Variants in SHC3 observed in about 807,000 individuals in gnomAD.
SHC3 encodes SHC-transforming protein 3.
In SHC3, 15 loss-of-function variants were observed where a neutral mutation model predicts 60.4. The ratio of observed to expected loss-of-function variants is 0.25; its 90% CI spans 0.17 to 0.38. The LOEUF (loss-of-function observed/expected upper bound fraction) is 0.38, where lower values mean the gene tolerates loss of function less well. Ranked by LOEUF, SHC3 falls within the 10% of genes least tolerant of loss-of-function variation. The probability of loss-of-function intolerance (pLI) is 1.00; values close to 1 mark genes in which losing one functional copy is unlikely to be tolerated. For synonymous variants in SHC3, 294 were observed against 325.9 expected, an observed-to-expected ratio of 0.90 and a Z score of 1.05; for missense variants, 677 against 786.1, an observed-to-expected ratio of 0.86 and a Z score of 1.66.
chr9:89,175,668 A>G (rs1564199988), intron 1 of SHC3, among the ~76,000 whole-genome samples: 1 of 152,224 alleles, frequency 6.6e-6, no homozygotes, highest in Non-Finnish European at 1.5e-5. Flanking sequence ...AAAAAATTAT[A>G]TCAAAGAGAA....
chr9:89,040,073 C>A (rs532776486), intron 10 of SHC3, among the ~76,000 whole-genome samples: 1 of 149,478 alleles, frequency 6.7e-6, no homozygotes, highest in East Asian at 2.0e-4. Flanking sequence ...CCACCACCAC[C>A]TTTGCCACCA....
At chr9:89,136,987 G>A (rs1015140596) in intron 1 of SHC3, among the ~76,000 whole-genome samples, 5 of 152,122 alleles carry the variant, frequency 3.3e-5, no homozygotes, top group Non-Finnish European at 7.4e-5. Flanking sequence ...GAAGGGTACA[G>A]GGGAAGCAGG....
At chr9:89,014,975 G>A (rs1320903415) in intron 11 of SHC3, among the ~76,000 whole-genome samples, 1 of 152,180 alleles carries the variant, frequency 6.6e-6, no homozygotes, top group Non-Finnish European at 1.5e-5. Flanking sequence ...CCCCATCTCT[G>A]TAAGCACCAG....
At chr9:89,110,518 C>T in intron 2 of SHC3, 1 of 928,372 alleles carries the variant, frequency 1.1e-6, no homozygotes, top group Non-Finnish European at 1.3e-6. Flanking sequence ...CAGTGTGCTA[C>T]ATCTGCAAGA....
intron 1 of SHC3, among the ~76,000 whole-genome samples, chr9:89,147,495 C>A (rs1476473053): frequency 6.6e-6 from 1 of 151,630 alleles, no homozygotes; most frequent in African/African-American, 2.4e-5. Flanking sequence ...TTTTTCCTTC[C>A]CTCCCTCCCT....
At chr9:89,034,708 G>GAAAT (rs1254578878) in intron 11 of SHC3, among the ~76,000 whole-genome samples, 1 of 152,182 alleles carries the variant, frequency 6.6e-6, no homozygotes, top group Non-Finnish European at 1.5e-5. Flanking sequence ...GACACTGTAG[G>GAAAT]AAATAATCTA....
At chr9:89,028,962 A>G (rs1824423678) in intron 11 of SHC3, among the ~76,000 whole-genome samples, 1 of 148,722 alleles carries the variant, frequency 6.7e-6, no homozygotes, top group Non-Finnish European at 1.5e-5. Flanking sequence ...TTATCTTCTG[A>G]GGCAGAATAT....
chr9:89,013,251 A>C lies in SHC3; in HGVS notation c.*196T>G. Reference sequence around the variant, plus strand: ...GATAATTTGTACAGGATGTATAGGTATGTACACCTTTAATATGCATATGAG... The same window carrying C: ...GATAATTTGTACAGGATGTATAGGTCTGTACACCTTTAATATGCATATGAG... On this transcript the variant is annotated 3_prime_UTR_variant, in exon 12 of 12. Coordinates refer to ENST00000375835, the MANE Select transcript of SHC3 (RefSeq NM_016848.6). 3 of 429,110 alleles carry C rather than the reference A, an allele frequency of 7.0e-6. No homozygotes were observed. The highest frequency in any genetic ancestry group is 1.2e-5 in the Non-Finnish European group (3 of 250,806). The allele number at this position is 429,110 out of a possible 1,614,324, so 26.6% of individuals were successfully genotyped here.
chr9:89,046,192 C>G (rs562133263), intron 8 of SHC3, among the ~76,000 whole-genome samples: 1 of 148,982 alleles, frequency 6.7e-6, no homozygotes, highest in African/African-American at 2.5e-5. Flanking sequence ...ATAACACATA[C>G]GCCCATGATC....
chr9:89,091,281 A>T (rs1424443010), intron 2 of SHC3, among the ~76,000 whole-genome samples: 1 of 152,208 alleles, frequency 6.6e-6, no homozygotes, highest in Non-Finnish European at 1.5e-5. Flanking sequence ...CTATAACACA[A>T]CCAAAATCAG....
At position 89,081,249 on chromosome 9, in the gene SHC3, T is replaced by C. The variant is rs549366867; in HGVS notation, c.546-3346A>G. Among the ~76,000 whole-genome samples the C allele has an allele frequency of 2.0e-5, 3 of 152,180 alleles. No individual in the cohort carries two copies. The South Asian group carries it at 6.2e-4, about 32-fold the overall frequency. Reference sequence around the variant, plus strand: ...AGCAAGGAAACTATCAAAAGCCCAATAGAGGGCGGAGCAAAGGATATGGAT... The same window carrying C: ...AGCAAGGAAACTATCAAAAGCCCAACAGAGGGCGGAGCAAAGGATATGGAT... On this transcript the variant is annotated intron_variant, in intron 2 of 11. Transcript: ENST00000375835.
intron 4 of SHC3, among the ~76,000 whole-genome samples, chr9:89,071,897 C>T (rs1825278801): frequency 6.6e-6 from 1 of 152,208 alleles, no homozygotes; most frequent in Non-Finnish European, 1.5e-5. Flanking sequence ...ACATCAAAGA[C>T]TCTTCCTTGC....
At chr9:89,032,522 T>G (rs2117853644) in intron 11 of SHC3, among the ~76,000 whole-genome samples, 1 of 152,314 alleles carries the variant, frequency 6.6e-6, no homozygotes, top group East Asian at 1.9e-4. Context: ...ATAAGAGCGT[T>G]GACTAAACAA....
At chr9:89,100,710 A>G (rs1825770600) in intron 2 of SHC3, among the ~76,000 whole-genome samples, 1 of 152,174 alleles carries the variant, frequency 6.6e-6, no homozygotes, top group South Asian at 2.1e-4. Flanking sequence ...CCTTTTCTAG[A>G]ATGTCACATA....
At chr9:89,168,024 A>T (rs977779734) in intron 1 of SHC3, among the ~76,000 whole-genome samples, 1 of 152,218 alleles carries the variant, frequency 6.6e-6, no homozygotes. Flanking sequence ...AACCACAGCC[A>T]TGGGCCCTTG....
intron 11 of SHC3, 120 bp from the exon 12 acceptor site, chr9:89,013,695 G>T (rs1826047950): frequency 2.1e-6 from 3 of 1,403,520 alleles, no homozygotes; most frequent in African/African-American, 2.9e-5. Flanking sequence ...GGGGGGACAA[G>T]GGGCTTCCAC....
chr9:89,092,356 G>A (rs1465051846), intron 2 of SHC3, among the ~76,000 whole-genome samples: 1 of 152,236 alleles, frequency 6.6e-6, no homozygotes, highest in South Asian at 2.1e-4. Flanking sequence ...AGCGGCTCAC[G>A]CCTGTAATCC....
intron 2 of SHC3, among the ~76,000 whole-genome samples, chr9:89,099,408 G>T (rs75069932): frequency 1.3e-5 from 2 of 152,066 alleles, no homozygotes; most frequent in African/African-American, 4.8e-5. Context: ...AATTGTTCAC[G>T]TTTGTGCTTT....
At chr9:89,064,355 C>T (rs1308831657) in intron 6 of SHC3, among the ~76,000 whole-genome samples, 1 of 152,184 alleles carries the variant, frequency 6.6e-6, no homozygotes, top group African/African-American at 2.4e-5. Flanking sequence ...TCACCACATG[C>T]AAACCTGAGA....
Sources: allele counts gnomAD v4.1 joint callset (sites outside exome capture counted in the v4.1 genomes callset), GRCh38; gene constraint gnomAD v4.1.1; transcripts MANE v1.5; gene names NCBI Gene and HGNC (gene_info 2026-07-23, HGNC 2026-07-21).